BMS1: variants seen among roughly 807,000 people sequenced by gnomAD.
BMS1 encodes the protein BMS1 ribosome biogenesis factor.
A neutral mutation model predicts 138.7 loss-of-function variants in BMS1; 53 were observed. The ratio of observed to expected loss-of-function variants is 0.38; its 90% confidence interval spans 0.31 to 0.48. The LOEUF (loss-of-function observed/expected upper bound fraction) is 0.48, where lower values mean the gene tolerates loss of function less well. Among genes scored for constraint, BMS1 ranks in the 20% least tolerant of loss-of-function variants. The pLI is 0.97. For synonymous variants in BMS1, 504 were observed against 539.9 expected (o/e 0.93, Z 0.92); for missense variants, 1,360 against 1,565.5 (o/e 0.87, Z 2.22).
intron 21 of BMS1, among the ~76,000 whole-genome samples, chr10:42,824,158 CTACT>C (rs1288173157): frequency 3.9e-5 from 6 of 152,148 alleles, no homozygotes; most frequent in South Asian, 2.1e-4. Flanking sequence ...CAGCTAAAAT[CTACT>C]TACTTAACAA....
chr10:42,785,494 G>A lies in BMS1; in HGVS notation c.189G>A (p.Leu63=). 1 of 1,607,022 alleles carries A rather than the reference G, an allele frequency of 6.2e-7. No homozygotes were observed. Among genetic ancestry groups the A allele is most frequent in the Non-Finnish European group, 8.5e-7 (1 of 1,176,498 alleles). Residue 63 remains leucine (L), a synonymous_variant, in exon 3 of 23, where the codon TTG becomes TTA. Transcript: ENST00000374518. Reference sequence around the variant, plus strand: ...TTTTAATGAATAGGACTCAGGATTTGAAGACAAAAAAGCATCATATTCCAG... The same window carrying A: ...TTTTAATGAATAGGACTCAGGATTTAAAGACAAAAAAGCATCATATTCCAG... ...MARSFHRTQD[L]KTKKHHIPVV...
Position 42,822,071 on chromosome 10 carries a change from C to T in BMS1, c.3019C>T (p.Arg1007Trp), listed in dbSNP as rs764853317. The T allele has an allele frequency of 4.4e-6, 7 of 1,594,016 alleles. No homozygotes were observed. The highest frequency in any genetic ancestry group is 1.3e-5 in the African/African-American group (1 of 74,758). The change falls in exon 19 of 23, where the codon CGG becomes TGG. Residue 1007 changes from arginine (R) to tryptophan (W), a missense_variant. Transcript: ENST00000374518. ...QSVSGIMPDF[R>W]IAATGVVLDL... is the part of the protein sequence containing the mutation. Reference sequence around the variant, plus strand: ...TTGGGGTTCCTGTTAGCCTGATTTTCGGATAGCTGCTACAGGAGTTGTCCT... The same window carrying T: ...TTGGGGTTCCTGTTAGCCTGATTTTTGGATAGCTGCTACAGGAGTTGTCCT...
At chr10:42,812,320 A>T (rs1047893631) in intron 13 of BMS1, among the ~76,000 whole-genome samples, 1 of 152,136 alleles carries the variant, frequency 6.6e-6, no homozygotes, top group African/African-American at 2.4e-5. Flanking sequence ...TAAATTCAAA[A>T]TTTTTTGGAG....
intron 1 of BMS1, among the ~76,000 whole-genome samples, chr10:42,783,348 C>G (rs556706737): frequency 6.6e-6 from 1 of 152,300 alleles, no homozygotes; most frequent in South Asian, 2.1e-4. Flanking sequence ...AAGCCTCTGA[C>G]TCACCTCCGT....
intron 13 of BMS1, among the ~76,000 whole-genome samples, chr10:42,808,114 CT>C (rs1842062443): frequency 6.6e-6 from 1 of 151,316 alleles, no homozygotes; most frequent in Admixed American, 6.6e-5. Context: ...CTGGGGATGT[CT>C]TTTTTTTGCA....
Position 42,796,465 on chromosome 10 carries a change from G to C in BMS1, c.1230-9G>C. 6.2e-7 allele frequency: 1 copy of C among 1,603,588 alleles called. No homozygotes were observed. The highest frequency in any genetic ancestry group is 8.5e-7 in the Non-Finnish European group (1 of 1,172,340). ...AATTGAATTATTTTGTATTTCCTTG[G>C]TAATACAGGCTAATGATGCCAAAGG... On this transcript the variant is annotated splice_polypyrimidine_tract_variant and intron_variant, in intron 9 of 22. Coordinates refer to ENST00000374518, the MANE Select transcript of BMS1 (RefSeq NM_014753.4).
At position 42,797,203 on chromosome 10, in the gene BMS1, A is replaced by G. The variant is rs777557857; in HGVS notation, c.1959A>G (p.Glu653=). 8.7e-6 allele frequency: 14 copies of G among 1,605,862 alleles called. No individual in the cohort carries two copies. The highest frequency in any genetic ancestry group is 2.2e-5 in the South Asian group (2 of 89,234). ...NLLKEEEDYK[E]ENNDSKETSG... is the part of the protein sequence containing the mutation. The stretch of plus-strand genomic sequence containing the variant: ...TCAAAGAGGAAGAAGATTACAAGGA[A>G]GAAAATAATGATTCCAAAGAAACGT... Residue 653 remains glutamate, a synonymous_variant, in exon 10 of 23, where the codon GAA becomes GAG. Coordinates refer to ENST00000374518, the MANE Select transcript of BMS1 (RefSeq NM_014753.4).
At chr10:42,817,046 C>G (rs1842369812) in intron 14 of BMS1, among the ~76,000 whole-genome samples, 2 of 152,150 alleles carry the variant, frequency 1.3e-5, no homozygotes, top group Non-Finnish European at 2.9e-5. Context: ...CTGGGAGCAT[C>G]TGGGTGAGGG....
Position 42,817,625 on chromosome 10 carries a change from C to T in BMS1, c.2580+131C>T, listed in dbSNP as rs1588748600. On this transcript the variant is annotated intron_variant, in intron 15 of 22. Transcript: ENST00000374518. Reference sequence around the variant, plus strand: ...TGCTTCTGTGCCTTTCATTCGGACTCCTGGGTAGAGATGCATGTGAGTGTG... The same window carrying T: ...TGCTTCTGTGCCTTTCATTCGGACTTCTGGGTAGAGATGCATGTGAGTGTG... The T allele has an allele frequency of 2.4e-5, 21 of 860,130 alleles. No individual in the cohort carries two copies. The East Asian group carries it at 5.5e-4, about 23-fold the overall frequency. The allele number at this position is 860,130 out of a possible 1,614,324, so 53.3% of individuals were successfully genotyped here.
At chr10:42,806,737 G>GAAAAAA (rs35466848) in intron 13 of BMS1, among the ~76,000 whole-genome samples, 2 of 99,406 alleles carry the variant, frequency 2.0e-5, no homozygotes, top group African/African-American at 7.0e-5. Context: ...TCCGTCTCAG[G>GAAAAAA]AAAAAAAAAA....
chr10:42,809,365 CAT>C (rs2132347870), intron 13 of BMS1, among the ~76,000 whole-genome samples: 1 of 151,764 alleles, frequency 6.6e-6, no homozygotes, highest in South Asian at 2.1e-4. Flanking sequence ...GTGTAGAAAA[CAT>C]AGAGACAGTG....
intron 13 of BMS1, among the ~76,000 whole-genome samples, chr10:42,803,410 ATTAC>A (rs1298453897): frequency 6.6e-6 from 1 of 152,150 alleles, no homozygotes. Flanking sequence ...AAGTGCTGGG[ATTAC>A]AGGCATGAGC....
Position 42,833,743 on chromosome 10 carries a change from C to G in BMS1, c.*2647C>G, listed in dbSNP as rs889035002. 4 of 152,160 alleles carry G rather than the reference C, an allele frequency of 2.6e-5. No individual in the cohort carries two copies. The highest frequency in any genetic ancestry group is 4.4e-5 in the Non-Finnish European group (3 of 68,034). The allele number at this position is 152,160 out of a possible 1,614,324, so 9.4% of individuals were successfully genotyped here. A position where few individuals can be genotyped will look rare whatever the true frequency, so the allele number is the denominator to read the frequency against. On this transcript the variant is annotated 3_prime_UTR_variant, in exon 23 of 23. Transcript: ENST00000374518. Reference sequence around the variant, plus strand: ...ATCCATCTCATAGGAAGACATATATCAAAATAAGGACCAGACTGGAGAGTG... The same window carrying G: ...ATCCATCTCATAGGAAGACATATATGAAAATAAGGACCAGACTGGAGAGTG...
At position 42,796,966 on chromosome 10, in the gene BMS1, C is replaced by T; in HGVS notation, c.1722C>T (p.Leu574=). 2 of 1,614,188 alleles carry T rather than the reference C, an allele frequency of 1.2e-6. No individual in the cohort carries two copies. The highest frequency in any genetic ancestry group is 1.1e-5 in the South Asian group (1 of 91,080). Residue 574 remains leucine, a synonymous_variant, in exon 10 of 23, where the codon CTC becomes CTT. Coordinates refer to ENST00000374518, the MANE Select transcript of BMS1 (RefSeq NM_014753.4). Reference sequence around the variant, plus strand: ...CTTTGCTGATGAAGAAAGCAGCTCTCCCCACTTTCGATTCTGGGCATTGCA... The same window carrying T: ...CTTTGCTGATGAAGAAAGCAGCTCTTCCCACTTTCGATTCTGGGCATTGCA... The part of the protein sequence containing the change: ...EKSLLMKKAA[L]PTFDSGHCTA...
At position 42,784,455 on chromosome 10, in the gene BMS1, A is replaced by C. The variant is rs1281042696; in HGVS notation, c.61A>C (p.Lys21Gln). 1 of 1,613,608 alleles carries C rather than the reference A, an allele frequency of 6.2e-7. No individual in the cohort carries two copies. Among genetic ancestry groups the C allele is most frequent in the African/African-American group, 1.3e-5 (1 of 74,932 alleles). ...AAACAGTGGACCCAAAGCTGCAAAG[A>C]AAAAGAAGCGGCTTCTGCAGGATCT... ...KKNSGPKAAK[K>Q]KKRLLQDLQL... The change falls in exon 2 of 23, where the codon AAA (lysine) becomes CAA (glutamine). Residue 21 changes from lysine (K) to glutamine (Q), a missense_variant. This residue lies in a region of BMS1 where 238 missense variants were observed against 311.1 expected (regional missense o/e 0.77). Transcript: ENST00000374518.
Position 42,820,736 on chromosome 10 carries a change from C to T in BMS1, c.2950+48C>T, listed in dbSNP as rs777443135. The T allele has an allele frequency of 3.2e-6, 5 of 1,580,338 alleles. 1 individual carries two copies. In the South Asian group the frequency reaches 5.6e-5, roughly 18 times the overall value. ...TGCCTGTTGCCAAGATTAAACCTTA[C>T]AGGCTGCGTTATTATAGCTTTGTGC... On this transcript the variant is annotated intron_variant, in intron 17 of 22. Transcript: ENST00000374518.
intron 19 of BMS1, among the ~76,000 whole-genome samples, chr10:42,822,645 T>C (rs1842534272): frequency 6.6e-6 from 1 of 152,256 alleles, no homozygotes; most frequent in African/African-American, 2.4e-5. Flanking sequence ...GAGCAGCATT[T>C]ATTGAGAATT....
intron 4 of BMS1, among the ~76,000 whole-genome samples, chr10:42,789,591 TG>T (rs1418752931): frequency 8.7e-6 from 1 of 114,684 alleles, no homozygotes; most frequent in Non-Finnish European, 1.7e-5. Flanking sequence ...GTAATCTTAC[TG>T]TTTTTTTTTT....
Position 42,833,691 on chromosome 10 carries a change from T to C in BMS1, c.*2595T>C, listed in dbSNP as rs939093275. The C allele has an allele frequency of 1.3e-5, 2 of 152,248 alleles. No individual in the cohort carries two copies. The highest frequency in any genetic ancestry group is 2.9e-5 in the Non-Finnish European group (2 of 68,040). The allele number at this position is 152,248 out of a possible 1,614,324, so 9.4% of individuals were successfully genotyped here. ...ATCATGCGGCATGTGGCTGTATGTA[T>C]ACACATAGTTTTTGCTGTGAGTTTG... On this transcript the variant is annotated 3_prime_UTR_variant, in exon 23 of 23. Coordinates refer to ENST00000374518, the MANE Select transcript of BMS1 (RefSeq NM_014753.4).
Sources: gnomAD v4.1 joint callset for allele counts (sites outside exome capture counted in the v4.1 genomes callset) on GRCh38, gnomAD v4.1.1 for gene constraint, gnomAD v4.1.1 regional missense constraint, MANE v1.5 for transcripts, NCBI Gene and HGNC (gene_info 2026-07-23, HGNC 2026-07-21) for gene names.